The following REV1 variants were observed in gnomAD, a reference collection of about 807,000 sequenced individuals.
REV1 encodes translesion synthesis protein REV1.
A neutral mutation model predicts 137.4 loss-of-function variants in REV1; 42 were observed. That is an observed-to-expected ratio of 0.31 (90% CI 0.24 to 0.40). REV1 has a LOEUF of 0.40. REV1 is among the 10% of genes least tolerant of loss of function. The pLI, the probability that REV1 is intolerant of heterozygous loss-of-function variation, is 1.00. For synonymous variants in REV1, 524 were observed against 519.2 expected (o/e 1.01, Z -0.12); for missense variants, 1,282 against 1,490.1 (o/e 0.86, Z 2.30).
chr2:99,466,103 G>A (rs1341988488), intron 1 of REV1, among the ~76,000 whole-genome samples: 1 of 151,828 alleles, frequency 6.6e-6, no homozygotes, highest in South Asian at 2.1e-4. Flanking sequence ...CACCACGCCC[G>A]ATTATTATTT....
intron 1 of REV1, among the ~76,000 whole-genome samples, chr2:99,475,809 C>T (rs529811926): frequency 2.4e-4 from 36 of 152,056 alleles, no homozygotes; most frequent in Non-Finnish European, 5.0e-4. Context: ...ATGGTAAAAC[C>T]CCATCTCTAC....
At chr2:99,408,843 G>A (rs1193065223) in intron 14 of REV1, among the ~76,000 whole-genome samples, 1 of 152,196 alleles carries the variant, frequency 6.6e-6, no homozygotes, top group Non-Finnish European at 1.5e-5. Flanking sequence ...GTTATTTCGT[G>A]TTTTGGATGA....
At chr2:99,471,956 T>C (rs1016693925) in intron 1 of REV1, among the ~76,000 whole-genome samples, 2 of 149,458 alleles carry the variant, frequency 1.3e-5, no homozygotes, top group Admixed American at 1.3e-4. Context: ...CCGAGCCCTG[T>C]TGGTGGGAAT....
intron 9 of REV1, among the ~76,000 whole-genome samples, chr2:99,425,771 T>A (rs1336520976): frequency 6.6e-6 from 1 of 152,212 alleles, no homozygotes; most frequent in Non-Finnish European, 1.5e-5. Flanking sequence ...GCACAGTGGC[T>A]CATGCCTGTA....
chr2:99,402,594 TGAGAC>T, intron 21 of REV1, 45 bp downstream of exon 21: 1 of 1,547,140 alleles, frequency 6.5e-7, no homozygotes, highest in Non-Finnish European at 8.9e-7. Flanking sequence ...TCTCAAATCA[TGAGAC>T]GACTACATCT....
In REV1 at chr2:99,403,069, C is replaced by T. The variant is rs754154906; in HGVS notation, c.3204G>A (p.Val1068=). 3.7e-6 allele frequency: 6 copies of T among 1,612,744 alleles called. No individual in the cohort carries two copies. The African/African-American group carries it at 5.3e-5, about 14-fold the overall frequency. The change falls in exon 20 of 23, where the codon GTG becomes GTA. Residue 1068 remains valine (V), a synonymous_variant. Transcript: ENST00000258428. The part of the protein sequence containing the change: ...KNPLLHLKAA[V]KEKKRNKKKK... ...TCTTCTTGTTTCTTTTCTTTTCTTT[C>T]ACTGCTGCCTTTAGATGAAGTAAAG...
At chr2:99,437,498 T>C (rs1400403951) in intron 6 of REV1, among the ~76,000 whole-genome samples, 2 of 152,184 alleles carry the variant, frequency 1.3e-5, no homozygotes, top group Non-Finnish European at 2.9e-5. Flanking sequence ...TCTCAAGAAA[T>C]GATTCATAAA....
chr2:99,451,298 G>A (rs944441276), intron 3 of REV1: 12 of 1,123,756 alleles, frequency 1.1e-5, no homozygotes, highest in East Asian at 1.2e-4. Flanking sequence ...AAAAAGACAC[G>A]TCAAGAACAC....
At chr2:99,469,342 TTC>T (rs1431813251) in intron 1 of REV1, among the ~76,000 whole-genome samples, 4 of 152,106 alleles carry the variant, frequency 2.6e-5, no homozygotes, top group Non-Finnish European at 5.9e-5. Flanking sequence ...CTTGGTTCTT[TTC>T]TGTTTCCATG....
chr2:99,476,182 C>T (rs1685952075), intron 1 of REV1, among the ~76,000 whole-genome samples: 1 of 152,212 alleles, frequency 6.6e-6, no homozygotes, highest in Admixed American at 6.5e-5. Context: ...GGCCTTTGCC[C>T]TTGGTTCCTG....
chr2:99,412,257 C>CACA (rs1677267480), intron 13 of REV1, among the ~76,000 whole-genome samples: 1 of 53,028 alleles, frequency 1.9e-5, no homozygotes, highest in Non-Finnish European at 3.4e-5. Context: ...GACTCCATCT[C>CACA]AAAAAAAAAA....
intron 20 of REV1, 38 bp downstream of exon 20, chr2:99,402,851 A>G (rs1377406444): frequency 1.9e-6 from 3 of 1,612,456 alleles, no homozygotes; most frequent in Admixed American, 1.7e-5. Flanking sequence ...TTATCCAGGT[A>G]TATTAAGATC....
chr2:99,436,302 A>G (rs774088612), intron 6 of REV1, among the ~76,000 whole-genome samples: 1 of 152,210 alleles, frequency 6.6e-6, no homozygotes, highest in Non-Finnish European at 1.5e-5. Context: ...AAAAGTGACT[A>G]CTATTATCCA....
chr2:99,479,509 CAG>C (rs1686374230), intron 1 of REV1, among the ~76,000 whole-genome samples: 1 of 151,904 alleles, frequency 6.6e-6, no homozygotes, highest in Non-Finnish European at 1.5e-5. Flanking sequence ...CCAAGGTTAT[CAG>C]AGATTTGCAT....
chr2:99,457,519 TA>T (rs1683661468), intron 3 of REV1, among the ~76,000 whole-genome samples: 2 of 152,054 alleles, frequency 1.3e-5, no homozygotes, highest in African/African-American at 2.4e-5. Flanking sequence ...CCATCTCTAC[TA>T]AAAACACACA....
At chr2:99,413,578 G>C (rs1677470573) in intron 12 of REV1, among the ~76,000 whole-genome samples, 1 of 152,074 alleles carries the variant, frequency 6.6e-6, no homozygotes, top group Non-Finnish European at 1.5e-5. Flanking sequence ...TCTCTGAAGA[G>C]ATATGAACTC....
rs567719327 is a variant in REV1, at chr2:99,427,153, G to A, written c.1547+2687C>T. ...GCCGAGATAGCACCACTGCACTCCA[G>A]CCTGGGCAAAAGAGCAAGACTTCAT... On this transcript the variant is annotated intron_variant, in intron 9 of 22. Coordinates refer to ENST00000258428, the MANE Select transcript of REV1 (RefSeq NM_016316.4). Among the ~76,000 whole-genome samples, 345 of 152,280 alleles carry A rather than the reference G, an allele frequency of 2.3e-3. 4 individuals carry two copies. The highest frequency in any genetic ancestry group is 8.1e-3 in the African/African-American group (336 of 41,568).
intron 1 of REV1, among the ~76,000 whole-genome samples, chr2:99,486,999 G>A (rs939303553): frequency 4.9e-4 from 74 of 152,166 alleles, no homozygotes; most frequent in African/African-American, 1.8e-3. Context: ...ATAAAGGAAG[G>A]GGCTGGTTCC....
rs180753587 is a variant in REV1 at position 99,444,056 on chromosome 2, G to A, written c.351-1587C>T. Among the ~76,000 whole-genome samples the A allele has an allele frequency of 1.8e-3, 277 of 152,128 alleles. 9 individuals are homozygous for A. The East Asian group carries it at 0.047, about 26-fold the overall frequency. ...AGGATGGTCTCGATCTCCTGACCTC[G>A]TGATCCACCCGCCTCTGCCTCCCAA... On this transcript the variant is annotated intron_variant, in intron 4 of 22. Coordinates refer to ENST00000258428, the MANE Select transcript of REV1 (RefSeq NM_016316.4).
Sources: gnomAD v4.1 joint callset for allele counts (sites outside exome capture counted in the v4.1 genomes callset) on GRCh38, gnomAD v4.1.1 for gene constraint, MANE v1.5 for transcripts, NCBI Gene and HGNC (gene_info 2026-07-23, HGNC 2026-07-21) for gene names.